EPHA3: variants seen among roughly 807,000 people sequenced by gnomAD.
The protein encoded by EPHA3 is ephrin type-A receptor 3.
Under a neutral mutation model 107.1 loss-of-function variants are expected in EPHA3, and 42 were observed. The observed-to-expected ratio is 0.39, with a 90% CI of 0.31 to 0.51. EPHA3 has a LOEUF of 0.51. Ranked by LOEUF, EPHA3 falls within the 20% of genes least tolerant of loss-of-function variation. The pLI is 0.78. For synonymous variants in EPHA3, 461 were observed against 424.8 expected (o/e 1.09, Z -1.05); for missense variants, 1,183 against 1,211.2 (o/e 0.98, Z 0.35).
intron 3 of EPHA3, among the ~76,000 whole-genome samples, chr3:89,230,724 T>G (rs567284520): frequency 1.7e-4 from 26 of 152,018 alleles, no homozygotes; most frequent in Non-Finnish European, 3.1e-4. Context: ...TCGCTTTATC[T>G]TCCTTCAGAT....
At chr3:89,222,092 C>T (rs532928352) in intron 3 of EPHA3, among the ~76,000 whole-genome samples, 1 of 152,148 alleles carries the variant, frequency 6.6e-6, no homozygotes, top group South Asian at 2.1e-4. Context: ...ATTGCTTCTG[C>T]TTCTGTTTCC....
chr3:89,265,333 T>TC (rs1488744716), intron 3 of EPHA3, among the ~76,000 whole-genome samples: 1 of 152,160 alleles, frequency 6.6e-6, no homozygotes, highest in Non-Finnish European at 1.5e-5. Context: ...AATGTCATAT[T>TC]CAATATCCTC....
chr3:89,352,834 C>T (rs1340923368), intron 5 of EPHA3, among the ~76,000 whole-genome samples: 6 of 134,326 alleles, frequency 4.5e-5, no homozygotes, highest in Admixed American at 2.5e-4. Flanking sequence ...ACCCAGGAGG[C>T]GGAGGTTGCA....
At chr3:89,308,662 A>G (rs757283111) in intron 3 of EPHA3, among the ~76,000 whole-genome samples, 1 of 151,914 alleles carries the variant, frequency 6.6e-6, no homozygotes, top group Non-Finnish European at 1.5e-5. Context: ...TAGAGAAATG[A>G]CATTCAACTC....
intron 11 of EPHA3, among the ~76,000 whole-genome samples, chr3:89,421,152 G>C (rs1246368641): frequency 2.6e-5 from 4 of 151,196 alleles, no homozygotes; most frequent in African/African-American, 9.7e-5. Flanking sequence ...AACATAGTGA[G>C]ACATTCCTCA....
intron 3 of EPHA3, among the ~76,000 whole-genome samples, chr3:89,226,257 A>G (rs1468065373): frequency 6.6e-6 from 1 of 152,092 alleles, no homozygotes; most frequent in Non-Finnish European, 1.5e-5. Context: ...TGGAGCTAAC[A>G]AGAGATAACA....
rs376925431 is a variant in EPHA3, at chr3:89,259,129, T to G, written c.814+48609T>G. Among the ~76,000 whole-genome samples the G allele has an allele frequency of 6.6e-5, 10 of 152,320 alleles. No homozygotes were observed. The East Asian group carries it at 1.9e-3, about 29-fold the overall frequency. The stretch of plus-strand genomic sequence containing the variant: ...TTTTACAAATTCTGTAGTCTAAATT[T>G]ATTTCAAAATATTATTTTTTAAATT... On this transcript the variant is annotated intron_variant, in intron 3 of 16. Coordinates refer to ENST00000336596, the MANE Select transcript of EPHA3 (RefSeq NM_005233.6).
intron 3 of EPHA3, among the ~76,000 whole-genome samples, chr3:89,254,069 A>G (rs1423830585): frequency 3.3e-5 from 5 of 152,170 alleles, no homozygotes; most frequent in Admixed American, 3.3e-4. Flanking sequence ...ATAGTAGAAA[A>G]TGATAAACAA....
Position 89,405,922 on chromosome 3 carries a change from C to A in EPHA3, c.1595-1347C>A, listed in dbSNP as rs569756710. ...AAACAGATTCTAAATGGCTTTTACA[C>A]GCTCTGCTATGAAATTTGCATCTTA... On this transcript the variant is annotated intron_variant, in intron 7 of 16. Coordinates refer to ENST00000336596, the MANE Select transcript of EPHA3 (RefSeq NM_005233.6). 3.3e-5 allele frequency among the ~76,000 whole-genome samples: 5 copies of A among 152,208 alleles called. 1 individual carries two copies. In the South Asian group the frequency reaches 8.3e-4, roughly 25 times the overall value.
chr3:89,222,015 G>A (rs961240706), intron 3 of EPHA3, among the ~76,000 whole-genome samples: 2 of 151,950 alleles, frequency 1.3e-5, no homozygotes, highest in Non-Finnish European at 2.9e-5. Context: ...CCTCTAACAC[G>A]CAAATCTTTT....
chr3:89,254,525 G>C (rs1705235221), intron 3 of EPHA3, among the ~76,000 whole-genome samples: 1 of 152,024 alleles, frequency 6.6e-6, no homozygotes, highest in Non-Finnish European at 1.5e-5. Context: ...ACTCTATCTT[G>C]ATAACATTAA....
At chr3:89,305,562 A>G (rs1706596738) in intron 3 of EPHA3, among the ~76,000 whole-genome samples, 1 of 152,138 alleles carries the variant, frequency 6.6e-6, no homozygotes. Flanking sequence ...CATACCTCCA[A>G]AAGGTATTCT....
Position 89,326,714 on chromosome 3 carries a change from T to A in EPHA3, c.815-14202T>A, listed in dbSNP as rs566123671. Among the ~76,000 whole-genome samples, 9 of 152,088 alleles carry A rather than the reference T, an allele frequency of 5.9e-5. No homozygotes were observed. In the South Asian group the frequency reaches 6.2e-4, roughly 11 times the overall value. On this transcript the variant is annotated intron_variant, in intron 3 of 16. Transcript: ENST00000336596. ...CCTTGACTAGCCAGTTTTTTTTTTT[T>A]AAATTGATCTGTGGTTGATTGAATC...
chr3:89,273,041 G>C (rs1005714774), intron 3 of EPHA3, among the ~76,000 whole-genome samples: 6 of 151,868 alleles, frequency 4.0e-5, no homozygotes, highest in African/African-American at 1.4e-4. Context: ...TAAGCAAGTA[G>C]CTTGTAGGCC....
chr3:89,475,930 T>TA (rs144317613), intron 16 of EPHA3, among the ~76,000 whole-genome samples: 28,994 of 151,846 alleles, frequency 0.19, 3,352 homozygotes, highest in Non-Finnish European at 0.25. Context: ...ATTTTGGACA[T>TA]GCAGAGTAGT....
intron 7 of EPHA3, among the ~76,000 whole-genome samples, chr3:89,403,366 C>A (rs943645130): frequency 2.6e-5 from 4 of 151,940 alleles, no homozygotes; most frequent in Admixed American, 6.6e-5. Flanking sequence ...ACTATTGTAT[C>A]CTTTTATACA....
chr3:89,136,336 T>C (rs1398763182), intron 2 of EPHA3, among the ~76,000 whole-genome samples: 3 of 134,272 alleles, frequency 2.2e-5, no homozygotes, highest in Non-Finnish European at 4.8e-5. Context: ...CAGGCTTTTT[T>C]TTTTTTTTTT....
rs566056565 is a variant in EPHA3 at position 89,416,927 on chromosome 3, G to A, written c.1889-2278G>A. ...CCAGTAAGACATGAGCCTTGTTATC[G>A]CCATCATTACCATAACCATCTCTTA... On this transcript the variant is annotated intron_variant, in intron 10 of 16. Coordinates refer to ENST00000336596, the MANE Select transcript of EPHA3 (RefSeq NM_005233.6). 4.8e-4 allele frequency among the ~76,000 whole-genome samples: 73 copies of A among 151,344 alleles called. 1 individual carries two copies. Among genetic ancestry groups the A allele is most frequent in the East Asian group, 1.6e-3 (8 of 5,130 alleles).
chr3:89,363,116 A>G (rs1463089212), intron 5 of EPHA3, among the ~76,000 whole-genome samples: 1 of 150,860 alleles, frequency 6.6e-6, no homozygotes, highest in African/African-American at 2.4e-5. Context: ...TCATTTTTCA[A>G]TTATATTAGT....
Sources: allele counts gnomAD v4.1 joint callset (sites outside exome capture counted in the v4.1 genomes callset), GRCh38; gene constraint gnomAD v4.1.1; transcripts MANE v1.5; gene names NCBI Gene and HGNC (gene_info 2026-07-23, HGNC 2026-07-21).